PRKN: variants seen among roughly 807,000 people sequenced by gnomAD.
The protein encoded by PRKN is E3 ubiquitin-protein ligase parkin.
PRKN carries 56 observed loss-of-function variants against 59.5 expected under a neutral mutation model. The observed-to-expected ratio is 0.94, with a 90% CI of 0.76 to 1.18. The LOEUF is 1.18. Among genes scored for constraint, PRKN ranks in the 50% most tolerant of loss-of-function variants. The pLI, the probability that PRKN is intolerant of heterozygous loss-of-function variation, is 0.00. For missense variants in PRKN, 657 were observed against 596.4 expected (o/e 1.10, Z -1.06); for synonymous variants, 250 against 222.1 (o/e 1.13, Z -1.12).
At chr6:162,430,341 G>A (rs1789458074) in intron 2 of PRKN, among the ~76,000 whole-genome samples, 1 of 152,080 alleles carries the variant, frequency 6.6e-6, no homozygotes, top group Non-Finnish European at 1.5e-5. Flanking sequence ...AGGAACTGAG[G>A]CACAGAGACA....
At position 161,748,352 on chromosome 6, in the gene PRKN, C is replaced by T. The variant is rs557711992; in HGVS notation, c.871+37420G>A. The stretch of plus-strand genomic sequence containing the variant: ...TTGCTGATCCCGAATCACTCTCTTA[C>T]GTTTTTTTTTTGTCTGTGTACCACA... On this transcript the variant is annotated intron_variant, in intron 7 of 11. Transcript: ENST00000366898. Among the ~76,000 whole-genome samples the T allele has an allele frequency of 7.3e-5, 11 of 149,988 alleles. No individual in the cohort carries two copies. The South Asian group carries it at 1.1e-3, about 14-fold the overall frequency.
At chr6:162,260,547 T>A (rs928676596) in intron 3 of PRKN, among the ~76,000 whole-genome samples, 2 of 151,540 alleles carry the variant, frequency 1.3e-5, no homozygotes, top group Non-Finnish European at 2.9e-5. Flanking sequence ...AGAGAGAGAG[T>A]CAGTTGAAAG....
chr6:161,467,178 T>C lies in PRKN; in HGVS notation c.1084-80301A>G, dbSNP rs1365394600. On this transcript the variant is annotated intron_variant, in intron 9 of 11. Transcript: ENST00000366898. The surrounding 1 kb of genome is among the most constrained non-coding windows in gnomAD (Gnocchi z 4.3). ...GCTGACGAATAGTTGTTTTTTTCAA[T>C]GTACTGGGAAAGTGGCATTTTGAGA... is the stretch of plus-strand genomic sequence containing the variant. Among the ~76,000 whole-genome samples the C allele has an allele frequency of 6.6e-6, 1 of 152,120 alleles. No individual in the cohort carries two copies. Among genetic ancestry groups the C allele is most frequent in the African/African-American group, 2.4e-5 (1 of 41,418 alleles).
chr6:162,669,518 G>C (rs372055291), intron 1 of PRKN, among the ~76,000 whole-genome samples: 1 of 152,166 alleles, frequency 6.6e-6, no homozygotes, highest in South Asian at 2.1e-4. Flanking sequence ...ATTCAAGAAC[G>C]TTACCCCATT....
intron 4 of PRKN, among the ~76,000 whole-genome samples, chr6:162,098,398 T>G (rs1471852381): frequency 1.3e-5 from 2 of 152,112 alleles, no homozygotes; most frequent in Non-Finnish European, 2.9e-5. Flanking sequence ...TAAATGAAAG[T>G]CCTAGTATTT....
intron 4 of PRKN, among the ~76,000 whole-genome samples, chr6:162,120,398 A>G (rs1232821028): frequency 1.3e-5 from 2 of 152,166 alleles, no homozygotes; most frequent in African/African-American, 4.8e-5. Context: ...CATCATTTCT[A>G]TCATCACAGG....
intron 6 of PRKN, among the ~76,000 whole-genome samples, chr6:161,787,495 C>T (rs1044640912): frequency 6.6e-6 from 1 of 152,218 alleles, no homozygotes. Flanking sequence ...CTGTATTCTA[C>T]CTTTTTCTCT....
chr6:161,553,063 T>A (rs765971554), intron 8 of PRKN, among the ~76,000 whole-genome samples: 11 of 150,992 alleles, frequency 7.3e-5, no homozygotes, highest in Non-Finnish European at 1.3e-4. Flanking sequence ...TTGTAATCAC[T>A]CTCTTGTTTT....
intron 6 of PRKN, among the ~76,000 whole-genome samples, chr6:161,942,644 C>T (rs1779608446): frequency 6.6e-6 from 1 of 152,154 alleles, no homozygotes; most frequent in Admixed American, 6.5e-5. Context: ...CAAATTGCTC[C>T]CATTATACCT....
chr6:162,556,366 T>TGTGTGCGTGC (rs1554243441), intron 1 of PRKN, among the ~76,000 whole-genome samples: 2 of 98,298 alleles, frequency 2.0e-5, no homozygotes, highest in African/African-American at 6.1e-5. Context: ...TGTGTGTGTG[T>TGTGTGCGTGC]GTGTGTGTGT....
In PRKN at chr6:161,582,357, T is replaced by C. The variant is rs906859962; in HGVS notation, c.872-12941A>G. Among the ~76,000 whole-genome samples, 17 of 152,084 alleles carry C rather than the reference T, an allele frequency of 1.1e-4. No homozygotes were observed. On this transcript the variant is annotated intron_variant, in intron 7 of 11. Transcript: ENST00000366898. The surrounding 1 kb of genome is among the most constrained non-coding windows in gnomAD (Gnocchi z 4.4). ...AAGTTCTTCTTTGAAGATCTATACA[T>C]TACAATGTTGGGCGCAGCAGATATA...
In PRKN at chr6:161,957,228, G is replaced by A. The variant is rs80054042; in HGVS notation, c.734+16074C>T. Among the ~76,000 whole-genome samples, 49 of 152,290 alleles carry A rather than the reference G, an allele frequency of 3.2e-4. No homozygotes were observed. The East Asian group carries it at 8.7e-3, about 27-fold the overall frequency. Reference sequence around the variant, plus strand: ...TTGACAGTTTCCTAAGCACTGTCACGTGAATGTTGTTTCTGAACTATCACC... The same window carrying A: ...TTGACAGTTTCCTAAGCACTGTCACATGAATGTTGTTTCTGAACTATCACC... On this transcript the variant is annotated intron_variant, in intron 6 of 11. Coordinates refer to ENST00000366898, the MANE Select transcript of PRKN (RefSeq NM_004562.3).
intron 5 of PRKN, among the ~76,000 whole-genome samples, chr6:162,020,250 G>A (rs1213960295): frequency 7.6e-6 from 1 of 131,804 alleles, no homozygotes; most frequent in Non-Finnish European, 1.6e-5. Context: ...CTGACTTGCA[G>A]TAAACATGGA....
At chr6:161,629,254 G>C (rs1783205866) in intron 7 of PRKN, among the ~76,000 whole-genome samples, 1 of 152,136 alleles carries the variant, frequency 6.6e-6, no homozygotes, top group South Asian at 2.1e-4. Context: ...CTGTAGACAT[G>C]AACAGGGTGA....
chr6:161,404,633 T>A (rs562430045), intron 9 of PRKN, among the ~76,000 whole-genome samples: 1 of 152,356 alleles, frequency 6.6e-6, no homozygotes, highest in South Asian at 2.1e-4. Flanking sequence ...GTTTACATTA[T>A]CTGTAAGAAT....
chr6:161,950,389 A>T (rs1036916339), intron 6 of PRKN, among the ~76,000 whole-genome samples: 2 of 152,148 alleles, frequency 1.3e-5, no homozygotes, highest in Non-Finnish European at 2.9e-5. Context: ...TACAAAAAAT[A>T]CAAAAATTAG....
chr6:161,988,500 A>C (rs1252518497), intron 5 of PRKN, among the ~76,000 whole-genome samples: 1 of 151,958 alleles, frequency 6.6e-6, no homozygotes, highest in Non-Finnish European at 1.5e-5. Context: ...AAACAAAATA[A>C]AATAAAATAA....
At chr6:161,847,901 C>G (rs575394872) in intron 6 of PRKN, among the ~76,000 whole-genome samples, 1 of 152,160 alleles carries the variant, frequency 6.6e-6, no homozygotes, top group South Asian at 2.1e-4. Context: ...AGCACAAAAC[C>G]TGTGCATTTG....
chr6:161,518,082 G>A lies in PRKN; in HGVS notation c.1083+30772C>T, dbSNP rs1778681761. 6.6e-6 allele frequency among the ~76,000 whole-genome samples: 1 copy of A among 152,214 alleles called. No individual in the cohort carries two copies. Among genetic ancestry groups the A allele is most frequent in the South Asian group, 2.1e-4 (1 of 4,834 alleles). ...AGATTTGGCTTCTATGAGGGCATGT[G>A]CGAGTCTAGCTCTCCAGATACCTTA... On this transcript the variant is annotated intron_variant, in intron 9 of 11. Coordinates refer to ENST00000366898, the MANE Select transcript of PRKN (RefSeq NM_004562.3). The surrounding 1 kb of genome is among the most constrained non-coding windows in gnomAD (Gnocchi z 5.0).
Sources: allele counts gnomAD v4.1 joint callset (sites outside exome capture counted in the v4.1 genomes callset), GRCh38; gene constraint gnomAD v4.1.1; non-coding constraint Gnocchi (gnomAD v3.1); transcripts MANE v1.5; gene names NCBI Gene and HGNC (gene_info 2026-07-23, HGNC 2026-07-21).